MINDY4: variants seen among roughly 807,000 people sequenced by gnomAD.
The protein encoded by MINDY4 is MINDY lysine 48 deubiquitinase 4, also known as probable ubiquitin carboxyl-terminal hydrolase MINDY-4.
MINDY4 carries 68 observed loss-of-function variants against 87.0 expected under a neutral mutation model. That is an observed-to-expected ratio of 0.78 (90% CI 0.64 to 0.96). MINDY4 has a LOEUF of 0.96. Among genes scored for constraint, MINDY4 ranks in the 40% least tolerant of loss-of-function variants. The pLI is 0.00. For synonymous variants in MINDY4, 379 were observed against 363.2 expected (o/e 1.04, Z -0.50); for missense variants, 919 against 928.2 (o/e 0.99, Z 0.13).
At chr7:30,863,646 T>C (rs1319490322) in intron 13 of MINDY4, among the ~76,000 whole-genome samples, 5 of 152,112 alleles carry the variant, frequency 3.3e-5, no homozygotes, top group Non-Finnish European at 5.9e-5. Context: ...GGTGAGGACA[T>C]CATGGACAGA....
At chr7:30,829,559 CTT>C (rs1462014414) in intron 6 of MINDY4, among the ~76,000 whole-genome samples, 1 of 152,204 alleles carries the variant, frequency 6.6e-6, no homozygotes, top group African/African-American at 2.4e-5. Flanking sequence ...TTAGAACTCT[CTT>C]GTGTGAGAGG....
chr7:30,828,134 A>G (rs1013613400), intron 5 of MINDY4, among the ~76,000 whole-genome samples: 3 of 152,192 alleles, frequency 2.0e-5, no homozygotes, highest in Non-Finnish European at 2.9e-5. Flanking sequence ...TCAGAATCAC[A>G]GGGCAATGTT....
At chr7:30,891,114 T>C (rs1203831833) in intron 17 of MINDY4, among the ~76,000 whole-genome samples, 3 of 152,220 alleles carry the variant, frequency 2.0e-5, no homozygotes, top group Admixed American at 6.5e-5. Context: ...CCTCAAACTC[T>C]GCACTGTAGA....
intron 6 of MINDY4, among the ~76,000 whole-genome samples, chr7:30,832,906 C>T (rs536481004): frequency 6.6e-6 from 1 of 152,196 alleles, no homozygotes; most frequent in Admixed American, 6.5e-5. Flanking sequence ...ACTCTTATTA[C>T]CTTCCTTTCC....
intron 1 of MINDY4, among the ~76,000 whole-genome samples, chr7:30,775,199 C>T (rs1376721666): frequency 1.3e-5 from 2 of 152,198 alleles, no homozygotes; most frequent in Non-Finnish European, 2.9e-5. Flanking sequence ...GGTTAAGTCA[C>T]GCTCATGACT....
At chr7:30,875,149 C>T (rs1211713433) in intron 14 of MINDY4, among the ~76,000 whole-genome samples, 1 of 152,196 alleles carries the variant, frequency 6.6e-6, no homozygotes. Flanking sequence ...ATGCACCTGA[C>T]TCCACAGTCT....
At chr7:30,811,826 C>G (rs1005959314) in intron 5 of MINDY4, among the ~76,000 whole-genome samples, 1 of 152,116 alleles carries the variant, frequency 6.6e-6, no homozygotes, top group African/African-American at 2.4e-5. Context: ...ATGCGGACTC[C>G]CTTAGAGTTG....
chr7:30,872,247 C>A lies in MINDY4; in HGVS notation c.1750C>A (p.Arg584Ser). ...AATGCTTCTTGTGTTTTCCAGCATCCGCCAGGACTTTGATGTCCCCACCAG... is the reference window on the plus strand; with the variant it reads ...AATGCTTCTTGTGTTTTCCAGCATCAGCCAGGACTTTGATGTCCCCACCAG... ...AILSRSTELIRQDFDVPTSHL... is the reference protein window; with the variant it reads ...AILSRSTELISQDFDVPTSHL... The change falls in exon 14 of 18, where the codon CGC (arginine) becomes AGC (serine). Residue 584 changes from arginine to serine, a missense_variant. Arg to Ser is a moderately radical substitution (Grantham distance 110). Coordinates refer to ENST00000265299, the MANE Select transcript of MINDY4 (RefSeq NM_032222.3). The A allele has an allele frequency of 6.2e-7, 1 of 1,614,088 alleles. No homozygotes were observed. The highest frequency in any genetic ancestry group is 8.5e-7 in the Non-Finnish European group (1 of 1,179,982).
At chr7:30,792,419 C>T (rs1787352125) in intron 5 of MINDY4, among the ~76,000 whole-genome samples, 1 of 152,132 alleles carries the variant, frequency 6.6e-6, no homozygotes, top group African/African-American at 2.4e-5. Context: ...CTTTTTCTAT[C>T]CCCTTGAAGA....
At chr7:30,841,091 C>T (rs1483999606) in intron 9 of MINDY4, among the ~76,000 whole-genome samples, 1 of 151,666 alleles carries the variant, frequency 6.6e-6, no homozygotes, top group East Asian at 2.0e-4. Flanking sequence ...GAAGGGGCTG[C>T]AGGAACGACA....
At chr7:30,891,467 C>G (rs1363444055) in intron 17 of MINDY4, among the ~76,000 whole-genome samples, 1 of 152,242 alleles carries the variant, frequency 6.6e-6, no homozygotes, top group Non-Finnish European at 1.5e-5. Context: ...CATTCACTAC[C>G]TTTCTGTGGC....
chr7:30,783,474 T>C (rs1787063951), intron 3 of MINDY4, among the ~76,000 whole-genome samples: 1 of 152,174 alleles, frequency 6.6e-6, no homozygotes, highest in Non-Finnish European at 1.5e-5. Flanking sequence ...TAGTGTTCCA[T>C]TATTGGAACA....
At chr7:30,883,938 G>A (rs985550495) in intron 17 of MINDY4, among the ~76,000 whole-genome samples, 4 of 152,170 alleles carry the variant, frequency 2.6e-5, no homozygotes, top group African/African-American at 9.7e-5. Context: ...TGGGGGTGAT[G>A]CATACCTTTC....
At chr7:30,811,060 A>C (rs1465930385) in intron 5 of MINDY4, among the ~76,000 whole-genome samples, 1 of 152,026 alleles carries the variant, frequency 6.6e-6, no homozygotes, top group African/African-American at 2.4e-5. Flanking sequence ...CCTAAAGATC[A>C]CTTCTTATCG....
At chr7:30,875,471 CT>C (rs1562563374) in intron 14 of MINDY4, 23 bp from the exon 15 acceptor site, 6 of 1,613,642 alleles carry the variant, frequency 3.7e-6, no homozygotes, top group Middle Eastern at 1.7e-4. Flanking sequence ...CTTGATGAGT[CT>C]TTCCCCTTTC....
At position 30,859,370 on chromosome 7, in the gene MINDY4, C is replaced by G. The variant is rs764242642; in HGVS notation, c.1745+46C>G. The G allele has an allele frequency of 5.1e-6, 8 of 1,562,440 alleles. No homozygotes were observed. In the South Asian group the frequency reaches 5.6e-5, roughly 11 times the overall value. On this transcript the variant is annotated intron_variant, in intron 13 of 17. Transcript: ENST00000265299. The stretch of plus-strand genomic sequence containing the variant: ...ACTCCCTGGGGCTGGGCTGGTCTGT[C>G]TTGTTCACTGCTGCCTCGCTAGAGC...
intron 15 of MINDY4, 38 bp from the exon 16 acceptor site, chr7:30,882,142 TG>T (rs1790482838): frequency 1.3e-6 from 2 of 1,560,242 alleles, no homozygotes; most frequent in African/African-American, 2.7e-5. Context: ...CCCCTTTCCC[TG>T]GGGACGGCAT....
intron 5 of MINDY4, among the ~76,000 whole-genome samples, chr7:30,811,249 C>A (rs1043099457): frequency 2.0e-5 from 3 of 152,122 alleles, no homozygotes; most frequent in African/African-American, 7.2e-5. Context: ...GACAGACACC[C>A]TTCCTGTGGA....
chr7:30,864,008 C>G (rs997320457), intron 13 of MINDY4, among the ~76,000 whole-genome samples: 9 of 152,222 alleles, frequency 5.9e-5, no homozygotes, highest in African/African-American at 1.9e-4. Flanking sequence ...ATGGGCTGCT[C>G]TGGTGCCTCA....
Sources: gnomAD v4.1 joint callset for allele counts (sites outside exome capture counted in the v4.1 genomes callset) on GRCh38, gnomAD v4.1.1 for gene constraint, MANE v1.5 for transcripts, NCBI Gene and HGNC (gene_info 2026-07-23, HGNC 2026-07-21) for gene names.